Variants in UGT2B7 observed in about 807,000 individuals in gnomAD.
UGT2B7 encodes UDP glucuronosyltransferase family 2 member B7.
Under a neutral mutation model 51.9 loss-of-function variants are expected in UGT2B7, and 51 were observed. The observed-to-expected ratio is 0.98, with a 90% CI of 0.78 to 1.24. The LOEUF is 1.24. UGT2B7 is among the 50% of genes most tolerant of loss of function. The pLI, the probability that UGT2B7 is intolerant of heterozygous loss-of-function variation, is 0.00. For synonymous variants in UGT2B7, 225 were observed against 211.6 expected (o/e 1.06, Z -0.55); for missense variants, 727 against 628.4 (o/e 1.16, Z -1.68).
In UGT2B7 at chr4:69,097,080, T is replaced by A. The variant is rs761935053; in HGVS notation, c.560T>A (p.Phe187Tyr). The A allele has an allele frequency of 1.2e-6, 2 of 1,613,760 alleles. No homozygotes were observed. Among genetic ancestry groups the A allele is most frequent in the Non-Finnish European group, 1.7e-6 (2 of 1,179,732 alleles). The change falls in exon 1 of 6, where the codon TTT (phenylalanine) becomes TAT (tyrosine). Residue 187 changes from phenylalanine to tyrosine, a missense_variant. By Grantham distance (22) the Phe-to-Tyr change is conservative. Coordinates refer to ENST00000305231, the MANE Select transcript of UGT2B7 (RefSeq NM_001074.4). ...GYTFEKHSGG[F>Y]IFPPSYVPVV... Reference sequence around the variant, plus strand: ...ACTTTTGAAAAGCATAGTGGAGGATTTATTTTCCCTCCTTCCTACGTACCT... The same window carrying A: ...ACTTTTGAAAAGCATAGTGGAGGATATATTTTCCCTCCTTCCTACGTACCT...
chr4:69,076,493 T>C (rs1247656737), intron 1 of UGT2B7, among the ~76,000 whole-genome samples: 1 of 152,234 alleles, frequency 6.6e-6, no homozygotes, highest in Non-Finnish European at 1.5e-5. Context: ...CGTGAGATGG[T>C]ATTTCATTGT....
chr4:69,072,573 C>T (rs1488515068), intron 1 of UGT2B7, among the ~76,000 whole-genome samples: 1 of 152,126 alleles, frequency 6.6e-6, no homozygotes. Flanking sequence ...TTCTTATATT[C>T]TTGAAGTATA....
chr4:69,063,577 A>C (rs963073336), intron 1 of UGT2B7, among the ~76,000 whole-genome samples: 3 of 152,122 alleles, frequency 2.0e-5, no homozygotes, highest in Non-Finnish European at 4.4e-5. Flanking sequence ...CTCCTAGCCC[A>C]AAAAGAAGGA....
chr4:69,111,748 C>T (rs540537608), intron 5 of UGT2B7, among the ~76,000 whole-genome samples: 10 of 152,184 alleles, frequency 6.6e-5, no homozygotes, highest in Admixed American at 5.9e-4. Flanking sequence ...CTTATATTTT[C>T]TCTGCTTCAA....
chr4:69,082,305 T>C (rs1480277361), intron 1 of UGT2B7, among the ~76,000 whole-genome samples: 1 of 151,312 alleles, frequency 6.6e-6, no homozygotes, highest in Non-Finnish European at 1.5e-5. Context: ...AATCAAAAGC[T>C]AGAAATAATT....
At chr4:69,100,866 T>C (rs1719395228) in intron 2 of UGT2B7, among the ~76,000 whole-genome samples, 1 of 152,114 alleles carries the variant, frequency 6.6e-6, no homozygotes, top group Admixed American at 6.6e-5. Flanking sequence ...GATAATTTCT[T>C]ATAAGAGAAA....
chr4:69,109,610 T>C (rs79153297), intron 5 of UGT2B7, among the ~76,000 whole-genome samples: 3,370 of 152,262 alleles, frequency 0.022, 75 homozygotes, highest in Middle Eastern at 0.095. Flanking sequence ...TTAAGAACTA[T>C]TTATATATTA....
chr4:69,101,149 A>G (rs1488145315), intron 2 of UGT2B7, among the ~76,000 whole-genome samples: 1 of 152,068 alleles, frequency 6.6e-6, no homozygotes, highest in Non-Finnish European at 1.5e-5. Flanking sequence ...AAATAAAGTG[A>G]GTTAGAAAAT....
intron 1 of UGT2B7, among the ~76,000 whole-genome samples, chr4:69,068,902 T>C (rs1174867458): frequency 6.6e-6 from 1 of 152,022 alleles, no homozygotes; most frequent in African/African-American, 2.4e-5. Context: ...AGTAAAATAC[T>C]GAAAGCCACT....
chr4:69,081,198 A>C (rs1718829673), intron 1 of UGT2B7, among the ~76,000 whole-genome samples: 2 of 152,154 alleles, frequency 1.3e-5, no homozygotes, highest in South Asian at 4.1e-4. Flanking sequence ...TGTTTTGACC[A>C]TTCAGGTAGA....
chr4:69,068,470 G>A (rs924058894), intron 1 of UGT2B7, among the ~76,000 whole-genome samples: 5 of 151,998 alleles, frequency 3.3e-5, no homozygotes, highest in African/African-American at 1.2e-4. Flanking sequence ...CCAGAAATAT[G>A]TAGTTTAAAA....
intron 1 of UGT2B7, among the ~76,000 whole-genome samples, chr4:69,079,444 T>G (rs1718787273): frequency 6.6e-6 from 1 of 152,182 alleles, no homozygotes; most frequent in Non-Finnish European, 1.5e-5. Flanking sequence ...GTAACAAACC[T>G]GTACGTTGTG....
At chr4:69,101,884 A>G (rs903629881) in intron 2 of UGT2B7, among the ~76,000 whole-genome samples, 3 of 152,176 alleles carry the variant, frequency 2.0e-5, no homozygotes, top group African/African-American at 4.8e-5. Context: ...AAAAAGAGAC[A>G]AGATCTCCCC....
At chr4:69,076,016 G>C (rs1718696251) in intron 1 of UGT2B7, among the ~76,000 whole-genome samples, 3 of 151,904 alleles carry the variant, frequency 2.0e-5, no homozygotes, top group African/African-American at 7.3e-5. Flanking sequence ...ACTTATGTGT[G>C]AGAACATGCG....
intron 1 of UGT2B7, 39 bp from the exon 2 acceptor site, chr4:69,098,488 CCTAAAGTAATTAT>C (rs2109884823): frequency 6.4e-7 from 1 of 1,568,064 alleles, no homozygotes; most frequent in South Asian, 1.2e-5. Context: ...CAGAAATTTA[CCTAAAGTAATTAT>C]CTTGTGTCAT....
intron 2 of UGT2B7, among the ~76,000 whole-genome samples, chr4:69,102,336 T>A (rs1346529404): frequency 6.6e-6 from 1 of 152,130 alleles, no homozygotes. Flanking sequence ...GTTAGGGAAG[T>A]AAACCACTAA....
At chr4:69,083,371 G>C (rs1577915434) in intron 1 of UGT2B7, among the ~76,000 whole-genome samples, 1 of 152,098 alleles carries the variant, frequency 6.6e-6, no homozygotes, top group Admixed American at 6.6e-5. Flanking sequence ...TATGGGCAGA[G>C]TAAATTGTAA....
At chr4:69,087,399 T>C (rs1718985331) in intron 1 of UGT2B7, among the ~76,000 whole-genome samples, 2 of 151,962 alleles carry the variant, frequency 1.3e-5, no homozygotes, top group South Asian at 2.1e-4. Flanking sequence ...TTCCATCTCT[T>C]AATTGTAGTT....
chr4:69,082,450 A>C (rs1718860852), intron 1 of UGT2B7, among the ~76,000 whole-genome samples: 1 of 151,986 alleles, frequency 6.6e-6, no homozygotes, highest in South Asian at 2.1e-4. Flanking sequence ...TAGAAGTGTT[A>C]CTCCAGTGAA....
Sources: gnomAD v4.1 joint callset for allele counts (sites outside exome capture counted in the v4.1 genomes callset) on GRCh38, gnomAD v4.1.1 for gene constraint, MANE v1.5 for transcripts, NCBI Gene and HGNC (gene_info 2026-07-23, HGNC 2026-07-21) for gene names.